TXK: variants seen among roughly 807,000 people sequenced by gnomAD.
The protein encoded by TXK is tyrosine-protein kinase TXK.
Under a neutral mutation model 81.0 loss-of-function variants are expected in TXK, and 60 were observed. That is an observed-to-expected ratio of 0.74 (90% CI 0.60 to 0.92). The LOEUF (loss-of-function observed/expected upper bound fraction) is 0.92. Among genes scored for constraint, TXK ranks in the 40% least tolerant of loss-of-function variants. The probability of loss-of-function intolerance (pLI) is 0.00; values close to 1 mark genes in which losing one functional copy is unlikely to be tolerated. For synonymous variants in TXK, 203 were observed against 210.7 expected (o/e 0.96, Z 0.32); for missense variants, 581 against 638.3 (o/e 0.91, Z 0.97).
intron 8 of TXK, among the ~76,000 whole-genome samples, chr4:48,093,202 T>A (rs1717845229): frequency 6.6e-6 from 1 of 152,214 alleles, no homozygotes; most frequent in South Asian, 2.1e-4. Context: ...TGTGGATGCA[T>A]CCCACAAGTG....
At chr4:48,123,371 T>C (rs576339650) in intron 1 of TXK, among the ~76,000 whole-genome samples, 1 of 152,318 alleles carries the variant, frequency 6.6e-6, no homozygotes, top group South Asian at 2.1e-4. Flanking sequence ...TCTTCCTCAC[T>C]ATCCTTAGTA....
At chr4:48,093,417 C>G (rs1003363627) in intron 8 of TXK, among the ~76,000 whole-genome samples, 3 of 152,218 alleles carry the variant, frequency 2.0e-5, no homozygotes, top group African/African-American at 7.2e-5. Context: ...TCCCCATGGG[C>G]TCAGAGTGGT....
chr4:48,082,600 G>A lies in TXK; in HGVS notation c.957-2472C>T, dbSNP rs143295894. Among the ~76,000 whole-genome samples, 375 of 152,252 alleles carry A rather than the reference G, an allele frequency of 2.5e-3. 6 individuals carry two copies. The highest frequency in any genetic ancestry group is 0.022 in the Admixed American group (333 of 15,294). On this transcript the variant is annotated intron_variant, in intron 10 of 14. Coordinates refer to ENST00000264316, the MANE Select transcript of TXK (RefSeq NM_003328.3). ...GACAGGGAAATACTGGGTAGAAGATGACAGTTTCCCCAGGAAAGTCCTCAC... is the reference window on the plus strand; with the variant it reads ...GACAGGGAAATACTGGGTAGAAGATAACAGTTTCCCCAGGAAAGTCCTCAC...
At chr4:48,076,792 C>A (rs1397623416) in intron 11 of TXK, among the ~76,000 whole-genome samples, 1 of 152,146 alleles carries the variant, frequency 6.6e-6, no homozygotes, top group Non-Finnish European at 1.5e-5. Flanking sequence ...CCACACCCAG[C>A]TAATTTTTCT....
rs112700418 is a variant in TXK at position 48,076,530 on chromosome 4, C to T, written c.1174-64G>A. On this transcript the variant is annotated intron_variant, in intron 11 of 14. Transcript: ENST00000264316. Reference sequence around the variant, plus strand: ...CTTTTATTTCAAGAGTTTTTCCTCTCCTTTTCCTTAGGTTATTTGGACCCC... The same window carrying T: ...CTTTTATTTCAAGAGTTTTTCCTCTTCTTTTCCTTAGGTTATTTGGACCCC... 1.6e-5 allele frequency: 23 copies of T among 1,449,016 alleles called. No individual in the cohort carries two copies. In the African/African-American group the frequency reaches 2.0e-4, roughly 12 times the overall value. 89.8% of individuals were successfully genotyped at this position (1,449,016 alleles called of 1,614,324 possible).
chr4:48,083,666 T>C (rs532767986), intron 10 of TXK, among the ~76,000 whole-genome samples: 14 of 152,360 alleles, frequency 9.2e-5, no homozygotes, highest in Non-Finnish European at 1.5e-4. Flanking sequence ...CATTAATTCA[T>C]TCAATAGTCC....
intron 1 of TXK, among the ~76,000 whole-genome samples, chr4:48,115,506 A>C (rs988526993): frequency 6.6e-6 from 1 of 152,142 alleles, no homozygotes; most frequent in African/African-American, 2.4e-5. Context: ...CTAGACTTTC[A>C]TTGTCAAGCT....
At chr4:48,102,135 T>C (rs1718215426) in intron 6 of TXK, among the ~76,000 whole-genome samples, 1 of 152,194 alleles carries the variant, frequency 6.6e-6, no homozygotes, top group Admixed American at 6.5e-5. Context: ...CCCGCCACCA[T>C]GCCTGGCTAA....
At chr4:48,113,743 T>C (rs1718715728) in intron 2 of TXK, among the ~76,000 whole-genome samples, 1 of 152,206 alleles carries the variant, frequency 6.6e-6, no homozygotes, top group South Asian at 2.1e-4. Context: ...CTCCACCATT[T>C]CATAGTGTGG....
intron 6 of TXK, among the ~76,000 whole-genome samples, chr4:48,102,167 C>T (rs1305680134): frequency 6.6e-6 from 1 of 151,980 alleles, no homozygotes; most frequent in East Asian, 1.9e-4. Flanking sequence ...TCAGGAGAGA[C>T]GGGGTTTCAT....
rs1304772206 is a variant in TXK, at chr4:48,066,794, G to A, written c.*843C>T. 1.7e-4 allele frequency: 26 copies of A among 152,112 alleles called. No individual in the cohort carries two copies. Among genetic ancestry groups the A allele is most frequent in the Admixed American group, 1.7e-3 (26 of 15,266 alleles). The allele number at this position is 152,112 out of a possible 1,614,324, so 9.4% of individuals were successfully genotyped here. A position where few individuals can be genotyped will look rare whatever the true frequency, so the allele number is the denominator to read the frequency against. ...ACAATGGAGCTTGATGTCACATTTG[G>A]CTATCTTGCTTTTGTCTCCTCTTCT... On this transcript the variant is annotated 3_prime_UTR_variant, in exon 15 of 15. Coordinates refer to ENST00000264316, the MANE Select transcript of TXK (RefSeq NM_003328.3).
At chr4:48,076,500 A>G in intron 11 of TXK, 34 bp from the exon 12 acceptor site, 1 of 1,578,874 alleles carries the variant, frequency 6.3e-7, no homozygotes, top group Non-Finnish European at 8.7e-7. Context: ...AAGTTTGAAT[A>G]CAAGCTTTTA....
intron 13 of TXK, among the ~76,000 whole-genome samples, chr4:48,073,476 G>A (rs1176308237): frequency 6.6e-6 from 1 of 152,160 alleles, no homozygotes; most frequent in East Asian, 1.9e-4. Context: ...AAACTTTAAA[G>A]TTAAGGAAGT....
intron 9 of TXK, 132 bp from the exon 10 acceptor site, chr4:48,086,769 G>A: frequency 1.3e-6 from 1 of 798,028 alleles, no homozygotes; most frequent in Non-Finnish European, 1.9e-6. Context: ...AGGATATGAA[G>A]CCATTTTAAT....
chr4:48,133,166 C>A (rs773281507), intron 1 of TXK, among the ~76,000 whole-genome samples: 17 of 151,656 alleles, frequency 1.1e-4, no homozygotes, highest in Non-Finnish European at 1.3e-4. Context: ...TATAAAGAAA[C>A]AAACACATTG....
At chr4:48,113,448 C>A in intron 2 of TXK, 139 bp from the exon 3 acceptor site, 1 of 590,840 alleles carries the variant, frequency 1.7e-6, no homozygotes, top group East Asian at 2.8e-5. Context: ...TTCCTAACTC[C>A]ATCTCCCTGG....
chr4:48,102,113 G>A (rs1006768234), intron 6 of TXK, among the ~76,000 whole-genome samples: 3 of 152,010 alleles, frequency 2.0e-5, no homozygotes, highest in African/African-American at 7.2e-5. Context: ...TGAGTAGCTG[G>A]GATTAGAGGC....
rs1717240380 is a variant in TXK, at chr4:48,080,118, G to A, written c.967C>T (p.His323Tyr). The change falls in exon 11 of 15, where the codon CAT becomes TAT. Residue 323 changes from histidine (H) to tyrosine (Y), a missense_variant. Physicochemically the swap from His to Tyr is moderately conservative, Grantham distance 83. Coordinates refer to ENST00000264316, the MANE Select transcript of TXK (RefSeq NM_003328.3). ...CCATAAAGTTGCACTAGCTTTGAAT[G>A]AGATAATTTCCTGGTGAAGAAAAAC... ...EEAKVMMKLSHSKLVQLYGVC... is the reference protein window; with the variant it reads ...EEAKVMMKLSYSKLVQLYGVC... The A allele has an allele frequency of 2.5e-6, 4 of 1,612,336 alleles. No individual in the cohort carries two copies. Among genetic ancestry groups the A allele is most frequent in the South Asian group, 1.1e-5 (1 of 91,046 alleles).
intron 10 of TXK, among the ~76,000 whole-genome samples, chr4:48,080,398 C>T (rs576421205): frequency 1.3e-5 from 2 of 152,102 alleles, no homozygotes; most frequent in Non-Finnish European, 2.9e-5. Flanking sequence ...TTCTCCTCTT[C>T]ATTTTATAAT....
Sources: gnomAD v4.1 joint callset for allele counts (sites outside exome capture counted in the v4.1 genomes callset) on GRCh38, gnomAD v4.1.1 for gene constraint, MANE v1.5 for transcripts, NCBI Gene and HGNC (gene_info 2026-07-23, HGNC 2026-07-21) for gene names.